The following RAB44 variants were observed in gnomAD, a reference collection of about 807,000 sequenced individuals.
RAB44 encodes RAB44, member RAS oncogene family, also known as ras-related protein Rab-44.
RAB44 carries 67 observed loss-of-function variants against 93.3 expected under a neutral mutation model. That is an observed-to-expected ratio of 0.72 (90% CI 0.59 to 0.88). RAB44 has a LOEUF of 0.88. Ranked by LOEUF, RAB44 falls within the 40% of genes least tolerant of loss-of-function variation. RAB44 has a pLI of 0.00. For missense variants in RAB44, 1,064 were observed against 1,261.7 expected, an observed-to-expected ratio of 0.84 and a Z score of 2.37; for synonymous variants, 427 against 520.3, an observed-to-expected ratio of 0.82 and a Z score of 2.44.
At chr6:36,723,135 T>C (rs1340812081) in intron 9 of RAB44, among the ~76,000 whole-genome samples, 3 of 152,226 alleles carry the variant, frequency 2.0e-5, no homozygotes, top group Admixed American at 1.3e-4. Context: ...GAAGTCACCT[T>C]GGGCAAGTTG....
rs1762942735 is a variant in RAB44 at position 36,717,182 on chromosome 6, T to C, written c.495-91T>C. On this transcript the variant is annotated intron_variant, in intron 4 of 13. Transcript: ENST00000612677. This position sits in a 1 kb window ranked among gnomAD's most constrained non-coding sequence, Gnocchi z 4.1. ...CAGGTGCCAAAGTCTCTTGGAGCGC[T>C]GCAGTGAAAACTGAGGAGTGGGGCT... is the stretch of plus-strand genomic sequence containing the variant. 8.5e-7 allele frequency: 1 copy of C among 1,181,886 alleles called. No homozygotes were observed. The highest frequency in any genetic ancestry group is 1.6e-5 in the African/African-American group (1 of 63,396). The allele number at this position is 1,181,886 out of a possible 1,614,324, so 73.2% of individuals were successfully genotyped here.
chr6:36,727,477 G>A (rs1763264903), intron 10 of RAB44, 100 bp from the exon 11 acceptor site: 3 of 725,934 alleles, frequency 4.1e-6, no homozygotes, highest in South Asian at 3.1e-5. Flanking sequence ...TGCTCTGTGG[G>A]AAGCAATTAG....
intron 2 of RAB44, among the ~76,000 whole-genome samples, chr6:36,705,845 T>C (rs571011595): frequency 5.3e-5 from 8 of 152,062 alleles, no homozygotes; most frequent in Non-Finnish European, 1.0e-4. Flanking sequence ...ACATTTTAGC[T>C]TCTGTCTGGA....
In RAB44 at chr6:36,721,844, C is replaced by T; in HGVS notation, c.1710C>T (p.Pro570=). 8.1e-7 allele frequency: 1 copy of T among 1,234,894 alleles called. No homozygotes were observed. The highest frequency in any genetic ancestry group is 1.5e-5 in the African/African-American group (1 of 64,610). The allele number at this position is 1,234,894 out of a possible 1,614,324, so 76.5% of individuals were successfully genotyped here. The change falls in exon 9 of 14, where the codon CCC becomes CCT. Residue 570 remains proline, a synonymous_variant. Transcript: ENST00000612677. ...GGGAAACCCAGCCCGGACCCTCACC[C>T]ACAACTGCCCTCACAGGAGTGGGCC... ...TERETQPGPS[P]TTALTGVGPA...
chr6:36,728,932 C>A, intron 12 of RAB44, 131 bp downstream of exon 12: 1 of 729,710 alleles, frequency 1.4e-6, no homozygotes, highest in Non-Finnish European at 2.4e-6. Context: ...CCTGCCCCAA[C>A]CAAAGGCCTG....
intron 1 of RAB44, among the ~76,000 whole-genome samples, chr6:36,701,540 G>T (rs773404728): frequency 6.6e-6 from 1 of 152,110 alleles, no homozygotes. Context: ...AGGGCATCAG[G>T]GTTAAGTATA....
chr6:36,722,772 A>G (rs886814466), intron 9 of RAB44, 39 bp downstream of exon 9: 1 of 1,548,652 alleles, frequency 6.5e-7, no homozygotes, highest in African/African-American at 1.4e-5. Flanking sequence ...GCAAGGAGAG[A>G]CGCAGGGGCC....
rs1227649062 is a variant in RAB44, at chr6:36,719,416, G to A, written c.828+828G>A. ...CCATTTCGTCCTGTCCCCTGTGGATGTGAAGCTTCTCCCCTCCAATCATTT... is the reference window on the plus strand; with the variant it reads ...CCATTTCGTCCTGTCCCCTGTGGATATGAAGCTTCTCCCCTCCAATCATTT... On this transcript the variant is annotated intron_variant, in intron 7 of 13. Transcript: ENST00000612677. Among the ~76,000 whole-genome samples, 3 of 152,170 alleles carry A rather than the reference G, an allele frequency of 2.0e-5. No homozygotes were observed. In the East Asian group the frequency reaches 5.8e-4, roughly 29 times the overall value.
chr6:36,698,238 G>C (rs79256445), intron 1 of RAB44, among the ~76,000 whole-genome samples: 4,303 of 152,158 alleles, frequency 0.028, 186 homozygotes, highest in African/African-American at 0.093. Flanking sequence ...TGGTCTCTCA[G>C]GCCCACTGAC....
chr6:36,707,693 A>G (rs186266142), intron 2 of RAB44, among the ~76,000 whole-genome samples: 1 of 152,330 alleles, frequency 6.6e-6, no homozygotes, highest in Non-Finnish European at 1.5e-5. Context: ...AACCTGGTAC[A>G]GTCCTTTTTC....
At chr6:36,711,913 AAAAG>A (rs1343155636) in intron 2 of RAB44, among the ~76,000 whole-genome samples, 1 of 151,664 alleles carries the variant, frequency 6.6e-6, no homozygotes, top group Non-Finnish European at 1.5e-5. Flanking sequence ...AAAAAAAAAA[AAAAG>A]AGTTAAAGGC....
chr6:36,714,711 A>G (rs1419512639), intron 3 of RAB44, among the ~76,000 whole-genome samples: 1 of 152,252 alleles, frequency 6.6e-6, no homozygotes, highest in African/African-American at 2.4e-5. Flanking sequence ...CTGTCCACGC[A>G]GCCTTGGGGC....
intron 2 of RAB44, among the ~76,000 whole-genome samples, chr6:36,713,164 A>T (rs564844415): frequency 6.6e-6 from 1 of 152,174 alleles, no homozygotes; most frequent in East Asian, 1.9e-4. Flanking sequence ...ATATAAAATG[A>T]ACTCTTATAG....
chr6:36,730,960 C>T (rs911416203), intron 13 of RAB44, among the ~76,000 whole-genome samples: 10 of 152,060 alleles, frequency 6.6e-5, no homozygotes, highest in African/African-American at 2.4e-4. Context: ...CTCTGCCCTT[C>T]CCGTTCGCTG....
chr6:36,719,790 G>A (rs1406003381), intron 7 of RAB44, among the ~76,000 whole-genome samples: 1 of 152,220 alleles, frequency 6.6e-6, no homozygotes, highest in East Asian at 1.9e-4. Context: ...AAGGCCCTGA[G>A]CGGGCATGAG....
intron 1 of RAB44, among the ~76,000 whole-genome samples, chr6:36,702,329 AGAGAGAGAG>A (rs750182410): frequency 0.027 from 2,001 of 72,820 alleles, 54 homozygotes; most frequent in East Asian, 0.12. Context: ...AGAGAGAGAG[AGAGAGAGAG>A]AATGTACTTC....
In RAB44 at chr6:36,697,889, G is replaced by C. The variant is rs76894359; in HGVS notation, c.-39G>C. The stretch of plus-strand genomic sequence containing the variant: ...CCACCAGGTCCCAGAGCCCAGGGCT[G>C]TGTGTTCCACTGGGAGCCTTTGAGA... On this transcript the variant is annotated 5_prime_UTR_variant, in exon 1 of 14. Transcript: ENST00000612677. The C allele has an allele frequency of 6.6e-6, 1 of 152,404 alleles. No homozygotes were observed. Among genetic ancestry groups the C allele is most frequent in the Non-Finnish European group, 1.5e-5 (1 of 68,192 alleles). The allele number at this position is 152,404 out of a possible 1,614,324, so 9.4% of individuals were successfully genotyped here.
chr6:36,725,530 A>G (rs567305571), intron 9 of RAB44, among the ~76,000 whole-genome samples: 15 of 152,340 alleles, frequency 9.8e-5, no homozygotes, highest in African/African-American at 3.6e-4. Context: ...TGTCTCGTTA[A>G]GAGAGGAAAG....
rs1004688882 is a variant in RAB44 at position 36,704,163 on chromosome 6, T to C, written c.-12-61T>C. The C allele has an allele frequency of 2.8e-5, 39 of 1,409,136 alleles. No homozygotes were observed. The South Asian group carries it at 4.6e-4, about 17-fold the overall frequency. The allele number at this position is 1,409,136 out of a possible 1,614,324, so 87.3% of individuals were successfully genotyped here. On this transcript the variant is annotated intron_variant, in intron 1 of 13. Coordinates refer to ENST00000612677, the MANE Select transcript of RAB44 (RefSeq NM_001257357.2). ...GGGTGATGGGAGCCAGGGGAGGGTT[T>C]TGAGCCATGAGAGGGCGTGACTGTC...
Sources: gnomAD v4.1 joint callset for allele counts (sites outside exome capture counted in the v4.1 genomes callset) on GRCh38, gnomAD v4.1.1 for gene constraint, Gnocchi (gnomAD v3.1) non-coding constraint, MANE v1.5 for transcripts, NCBI Gene and HGNC (gene_info 2026-07-23, HGNC 2026-07-21) for gene names.